Variants in PTPN13 observed in about 807,000 individuals in gnomAD.
PTPN13 encodes the protein protein tyrosine phosphatase non-receptor type 13.
In PTPN13, 191 loss-of-function variants were observed where a neutral mutation model predicts 284.0. That is an observed-to-expected ratio of 0.67 (90% CI 0.60 to 0.76). PTPN13 has a LOEUF of 0.76. PTPN13 is among the 30% of genes least tolerant of loss of function. The probability of loss-of-function intolerance (pLI) is 0.00; values close to 1 mark genes in which losing one functional copy is unlikely to be tolerated. For missense variants in PTPN13, 2,797 were observed against 2,939.9 expected (o/e 0.95, Z 1.12); for synonymous variants, 986 against 1,022.3 (o/e 0.96, Z 0.68).
intron 2 of PTPN13, among the ~76,000 whole-genome samples, chr4:86,668,487 G>T (rs541236820): frequency 6.6e-6 from 1 of 152,070 alleles, no homozygotes; most frequent in Non-Finnish European, 1.5e-5. Context: ...GTGTGTTTAC[G>T]GAATTTGACA....
At position 86,759,090 on chromosome 4, in the gene PTPN13, T is replaced by A; in HGVS notation, c.3553+17T>A. 6.2e-7 allele frequency: 1 copy of A among 1,608,434 alleles called. No homozygotes were observed. The highest frequency in any genetic ancestry group is 8.5e-7 in the Non-Finnish European group (1 of 1,177,504). ...TATCCAAAGGTAATGTGAATGTCTC[T>A]TACTTATGTATTCTGTTTCACTTTT... On this transcript the variant is annotated intron_variant, in intron 23 of 47. Transcript: ENST00000411767.
At chr4:86,620,489 T>G (rs1721095902) in intron 1 of PTPN13, among the ~76,000 whole-genome samples, 1 of 152,188 alleles carries the variant, frequency 6.6e-6, no homozygotes, top group African/African-American at 2.4e-5. Context: ...AATAGGTGAC[T>G]TAGCAAGATG....
chr4:86,719,982 A>G (rs1733479021), intron 9 of PTPN13, among the ~76,000 whole-genome samples: 1 of 152,194 alleles, frequency 6.6e-6, no homozygotes, highest in Non-Finnish European at 1.5e-5. Context: ...AAGTAAGCCA[A>G]TATTGAATTG....
intron 47 of PTPN13, among the ~76,000 whole-genome samples, chr4:86,813,948 A>G (rs1024983402): frequency 6.0e-5 from 9 of 150,006 alleles, no homozygotes; most frequent in African/African-American, 2.0e-4. Context: ...TGTTTTGCCA[A>G]TCTGGTTTCT....
intron 2 of PTPN13, among the ~76,000 whole-genome samples, chr4:86,666,294 C>T (rs557214242): frequency 6.2e-5 from 6 of 96,990 alleles, no homozygotes; most frequent in Non-Finnish European, 6.1e-5. Flanking sequence ...GGTAAATACC[C>T]GAGGTTCGTA....
chr4:86,763,428 A>G (rs1348288350), intron 24 of PTPN13, among the ~76,000 whole-genome samples: 1 of 152,234 alleles, frequency 6.6e-6, no homozygotes, highest in Non-Finnish European at 1.5e-5. Context: ...CAAAGAAGGA[A>G]TATGCAGATT....
chr4:86,793,299 A>G (rs192161332), intron 40 of PTPN13, among the ~76,000 whole-genome samples: 5 of 152,292 alleles, frequency 3.3e-5, no homozygotes, highest in African/African-American at 1.2e-4. Context: ...AACAGGAAGA[A>G]CTAACTATCC....
intron 7 of PTPN13, among the ~76,000 whole-genome samples, chr4:86,705,486 T>C (rs1731658943): frequency 6.6e-6 from 1 of 152,134 alleles, no homozygotes; most frequent in Non-Finnish European, 1.5e-5. Context: ...ATCCCTTTTA[T>C]GTGTGATAAA....
intron 10 of PTPN13, among the ~76,000 whole-genome samples, chr4:86,728,548 G>A (rs1447305035): frequency 7.0e-6 from 1 of 142,498 alleles, no homozygotes; most frequent in Non-Finnish European, 1.5e-5. Context: ...TTGTTGAATT[G>A]ATCCCTTTAC....
intron 2 of PTPN13, among the ~76,000 whole-genome samples, chr4:86,648,390 C>T (rs1286581709): frequency 6.6e-6 from 1 of 152,054 alleles, no homozygotes. Context: ...ACTATCTTTC[C>T]CAGCTTCTAG....
Position 86,635,112 on chromosome 4 carries a change from T to A in PTPN13, c.-5-140T>A, listed in dbSNP as rs561650255. ...TCCTTTACCTTCTGTGAGTTTAAGA[T>A]AACATTTAGATTGGTAGCCATATTG... On this transcript the variant is annotated intron_variant, in intron 1 of 47. Transcript: ENST00000411767. 16 of 924,628 alleles carry A rather than the reference T, an allele frequency of 1.7e-5. No individual in the cohort carries two copies. In the Admixed American group the frequency reaches 4.7e-4, roughly 27 times the overall value. 57.3% of individuals were successfully genotyped at this position (924,628 alleles called of 1,614,324 possible). A position where few individuals can be genotyped will look rare whatever the true frequency, so the allele number is the denominator to read the frequency against.
intron 10 of PTPN13, among the ~76,000 whole-genome samples, chr4:86,724,368 CT>C (rs1578501739): frequency 1.3e-5 from 2 of 152,262 alleles, no homozygotes; most frequent in Middle Eastern, 6.8e-3. Flanking sequence ...ATATACACCC[CT>C]TTTTCCTAAA....
In PTPN13 at chr4:86,630,842, A is replaced by G. The variant is rs566635043; in HGVS notation, c.-5-4410A>G. On this transcript the variant is annotated intron_variant, in intron 1 of 47. Coordinates refer to ENST00000411767, the MANE Select transcript of PTPN13 (RefSeq NM_080683.3). ...CTGTTTACTGTTCATTCTGTTCTCA[A>G]TCACTGGTATGTACTAGCTGTGCGT... Among the ~76,000 whole-genome samples, 6 of 152,252 alleles carry G rather than the reference A, an allele frequency of 3.9e-5. No individual in the cohort carries two copies. The East Asian group carries it at 1.2e-3, about 29-fold the overall frequency.
intron 10 of PTPN13, among the ~76,000 whole-genome samples, chr4:86,727,231 A>G (rs956368767): frequency 6.7e-6 from 1 of 149,260 alleles, no homozygotes; most frequent in East Asian, 1.9e-4. Flanking sequence ...TTTATTGAGG[A>G]TTTTCACATT....
chr4:86,812,147 A>G (rs2149396898), intron 47 of PTPN13, among the ~76,000 whole-genome samples: 1 of 151,628 alleles, frequency 6.6e-6, no homozygotes, highest in East Asian at 1.9e-4. Flanking sequence ...CGTCTCTACT[A>G]AAAATACAAA....
chr4:86,809,829 C>T lies in PTPN13; in HGVS notation c.7144C>T (p.Pro2382Ser), dbSNP rs1272963223. 2 of 1,614,060 alleles carry T rather than the reference C, an allele frequency of 1.2e-6. No homozygotes were observed. Among genetic ancestry groups the T allele is most frequent in the Non-Finnish European group, 1.7e-6 (2 of 1,179,898 alleles). ...NFTAWPDHDTPSQPDDLLTFI... is the reference protein window; with the variant it reads ...NFTAWPDHDTSSQPDDLLTFI... ...CACTGCCTGGCCAGACCATGATACA[C>T]CTTCTCAACCAGATGATCTGCTTAC... The change falls in exon 46 of 48, where the codon CCT becomes TCT. Residue 2382 changes from proline to serine, a missense_variant. By Grantham distance (74) the Pro-to-Ser change is moderately conservative. Transcript: ENST00000411767.
At chr4:86,738,887 G>T (rs1735835474) in intron 15 of PTPN13, among the ~76,000 whole-genome samples, 1 of 152,070 alleles carries the variant, frequency 6.6e-6, no homozygotes, top group Admixed American at 6.6e-5. Context: ...TGTCATGATG[G>T]CCAGGCTGGT....
At chr4:86,799,853 T>TTTTTG (rs1475922626) in intron 42 of PTPN13, among the ~76,000 whole-genome samples, 3 of 134,646 alleles carry the variant, frequency 2.2e-5, no homozygotes, top group Admixed American at 7.6e-5. Context: ...TTTTTTTTTT[T>TTTTTG]GAGACAGAGT....
intron 1 of PTPN13, among the ~76,000 whole-genome samples, chr4:86,618,444 T>C (rs1402524854): frequency 6.6e-6 from 1 of 152,128 alleles, no homozygotes; most frequent in African/African-American, 2.4e-5. Context: ...TTTAAAGTAG[T>C]TTTTTCCTAT....
Sources: allele counts gnomAD v4.1 joint callset (sites outside exome capture counted in the v4.1 genomes callset), GRCh38; gene constraint gnomAD v4.1.1; transcripts MANE v1.5; gene names NCBI Gene and HGNC (gene_info 2026-07-23, HGNC 2026-07-21).